Variants in SP3 observed in about 807,000 individuals in gnomAD.
The protein encoded by SP3 is Sp3 transcription factor, also known as transcription factor Sp3.
Under a neutral mutation model 70.3 loss-of-function variants are expected in SP3, and 10 were observed. The ratio of observed to expected loss-of-function variants is 0.14; its 90% CI spans 0.09 to 0.24. The LOEUF (loss-of-function observed/expected upper bound fraction) is 0.24, where lower values mean the gene tolerates loss of function less well. Among genes scored for constraint, SP3 ranks in the 10% least tolerant of loss-of-function variants. SP3 has a pLI of 1.00. For synonymous variants in SP3, 402 were observed against 333.5 expected (o/e 1.21, Z -2.24); for missense variants, 825 against 914.6 (o/e 0.90, Z 1.26).
At chr2:173,940,585 C>T (rs535840630) in intron 4 of SP3, among the ~76,000 whole-genome samples, 1 of 152,082 alleles carries the variant, frequency 6.6e-6, no homozygotes, top group Non-Finnish European at 1.5e-5. Flanking sequence ...AGAAACAGAA[C>T]AAAAAGGACT....
At chr2:173,940,316 T>C (rs1437424740) in intron 4 of SP3, among the ~76,000 whole-genome samples, 1 of 152,200 alleles carries the variant, frequency 6.6e-6, no homozygotes, top group Non-Finnish European at 1.5e-5. Context: ...CATTAGGTAT[T>C]AGATTTTTCA....
chr2:173,923,635 T>A (rs867744689), intron 4 of SP3, among the ~76,000 whole-genome samples: 4 of 152,238 alleles, frequency 2.6e-5, no homozygotes, highest in South Asian at 2.1e-4. Context: ...GTATGGTTGA[T>A]AAAATGAGAC....
intron 4 of SP3, among the ~76,000 whole-genome samples, chr2:173,929,031 G>C (rs774920303): frequency 6.6e-6 from 1 of 152,142 alleles, no homozygotes; most frequent in Non-Finnish European, 1.5e-5. Context: ...TCCAATTCAG[G>C]TTGGTAAGGG....
intron 4 of SP3, among the ~76,000 whole-genome samples, chr2:173,920,806 G>A (rs1449803117): frequency 6.6e-6 from 1 of 151,944 alleles, no homozygotes; most frequent in African/African-American, 2.4e-5. Flanking sequence ...GGCCAGGCTG[G>A]TCTCGAACTC....
At chr2:173,962,675 A>G (rs1691124663) in intron 3 of SP3, among the ~76,000 whole-genome samples, 1 of 152,154 alleles carries the variant, frequency 6.6e-6, no homozygotes, top group Non-Finnish European at 1.5e-5. Flanking sequence ...GGACATACTA[A>G]GCATTTGTTG....
At position 173,955,076 on chromosome 2, in the gene SP3, A is replaced by T. The variant is rs564462652; in HGVS notation, c.1436T>A (p.Ile479Lys). The change falls in exon 4 of 7, where the codon ATA (isoleucine) becomes AAA (lysine). Residue 479 changes from isoleucine to lysine, a missense_variant. Ile to Lys is a moderately radical substitution (Grantham distance 102). Coordinates refer to ENST00000310015, the MANE Select transcript of SP3 (RefSeq NM_003111.5). The stretch of plus-strand genomic sequence containing the variant: ...TATTTGTTGGGCAGCAGTATTCTGT[A>T]TTTGCAAATTCTGCAAGTTCTGGAC... ...QGVQNLQNLQ[I>K]QNTAAQQITL... 6.2e-7 allele frequency: 1 copy of T among 1,614,174 alleles called. No individual in the cohort carries two copies. The highest frequency in any genetic ancestry group is 2.2e-5 in the East Asian group (1 of 44,888).
intron 4 of SP3, among the ~76,000 whole-genome samples, chr2:173,933,408 C>G (rs12474886): frequency 0.33 from 49,970 of 151,448 alleles, 8,777 homozygotes; most frequent in Non-Finnish European, 0.38. Context: ...GTTGCAGTAA[C>G]AACCCCTCAA....
intron 4 of SP3, among the ~76,000 whole-genome samples, chr2:173,929,898 T>A (rs150203815): frequency 6.6e-6 from 1 of 152,184 alleles, no homozygotes; most frequent in African/African-American, 2.4e-5. Flanking sequence ...CTGAAAAAAT[T>A]AGAAGGCTTA....
At chr2:173,964,375 G>A (rs750975000) in intron 2 of SP3, 30 bp downstream of exon 2, 6 of 679,050 alleles carry the variant, frequency 8.8e-6, no homozygotes, top group South Asian at 3.1e-5. Context: ...CGCGAGGGGG[G>A]AGCCGGGCCG....
Position 173,906,502 on chromosome 2 carries a change from A to G in SP3, c.*3439T>C, listed in dbSNP as rs1435138500. 2 of 152,222 alleles carry G rather than the reference A, an allele frequency of 1.3e-5. No homozygotes were observed. The highest frequency in any genetic ancestry group is 2.4e-5 in the African/African-American group (1 of 41,458). 9.4% of individuals were successfully genotyped at this position (152,222 alleles called of 1,614,324 possible). A position where few individuals can be genotyped will look rare whatever the true frequency, so the allele number is the denominator to read the frequency against. On this transcript the variant is annotated 3_prime_UTR_variant, in exon 7 of 7. Transcript: ENST00000310015. ...TTTAGTGAAAAATAATTCTTTTACAACAAAAACGATTGTTACCAGCTTCAT... is the reference window on the plus strand; with the variant it reads ...TTTAGTGAAAAATAATTCTTTTACAGCAAAAACGATTGTTACCAGCTTCAT...
chr2:173,923,941 G>GT (rs1186679443), intron 4 of SP3, among the ~76,000 whole-genome samples: 3 of 151,512 alleles, frequency 2.0e-5, no homozygotes, highest in Non-Finnish European at 2.9e-5. Flanking sequence ...GAGGTACCAA[G>GT]TTTTTTTTCA....
At chr2:173,940,215 T>G (rs980323233) in intron 4 of SP3, among the ~76,000 whole-genome samples, 1 of 152,140 alleles carries the variant, frequency 6.6e-6, no homozygotes, top group Non-Finnish European at 1.5e-5. Context: ...GTCCCCAACC[T>G]TTTTGGCACC....
In SP3 at chr2:173,922,062, C is replaced by T. The variant is rs186003694; in HGVS notation, c.1640-3277G>A. On this transcript the variant is annotated intron_variant, in intron 4 of 6. Transcript: ENST00000310015. Reference sequence around the variant, plus strand: ...CTGCAGAACTGAGTCAATTAAACCTCTTACAAATTACCCAGTCCCAGATAT... The same window carrying T: ...CTGCAGAACTGAGTCAATTAAACCTTTTACAAATTACCCAGTCCCAGATAT... Among the ~76,000 whole-genome samples, 619 of 152,256 alleles carry T rather than the reference C, an allele frequency of 4.1e-3. 2 individuals are homozygous for T. Among genetic ancestry groups the T allele is most frequent in the Non-Finnish European group, 7.3e-3 (495 of 68,022 alleles).
rs1475495542 is a variant in SP3 at position 173,955,524 on chromosome 2, A to C, written c.988T>G (p.Phe330Val). Residue 330 changes from phenylalanine (F) to valine (V), a missense_variant, in exon 4 of 7, where the codon TTT becomes GTT. Phe to Val is a conservative substitution (Grantham distance 50). This residue lies in a region of SP3 where 678 missense variants were observed against 651.6 expected (regional missense o/e 1.04). Coordinates refer to ENST00000310015, the MANE Select transcript of SP3 (RefSeq NM_003111.5). Reference protein sequence around the residue: ...INETNTDTDLFVPTSSSSQLP... With the variant: ...INETNTDTDLVVPTSSSSQLP... ...TGTGATGAAGAGGATGTTGGCACAA[A>C]TAAATCTGTATCAGTATTAGTTTCA... 1 of 1,614,048 alleles carries C rather than the reference A, an allele frequency of 6.2e-7. No individual in the cohort carries two copies. Among genetic ancestry groups the C allele is most frequent in the Non-Finnish European group, 8.5e-7 (1 of 1,180,042 alleles).
Position 173,965,323 on chromosome 2 carries a change from G to A in SP3, c.-152C>T. ...TTTTTCCTATTTTGATTGACTGTGC[G>A]GGAAACACAAAAGGTGGAGCCTCCA... On this transcript the variant is annotated 5_prime_UTR_variant, in exon 1 of 7. Coordinates refer to ENST00000310015, the MANE Select transcript of SP3 (RefSeq NM_003111.5). The A allele has an allele frequency of 2.2e-6, 2 of 889,150 alleles. No individual in the cohort carries two copies. The highest frequency in any genetic ancestry group is 3.5e-6 in the Non-Finnish European group (2 of 574,938). 55.1% of individuals were successfully genotyped at this position (889,150 alleles called of 1,614,324 possible).
chr2:173,963,920 G>C (rs765766686), intron 2 of SP3, 37 bp from the exon 3 acceptor site: 7 of 1,398,146 alleles, frequency 5.0e-6, no homozygotes, highest in East Asian at 3.0e-5. Context: ...GGGAGACAGG[G>C]GGAGGGGGTG....
At chr2:173,947,625 A>G (rs1690584578) in intron 4 of SP3, among the ~76,000 whole-genome samples, 1 of 152,168 alleles carries the variant, frequency 6.6e-6, no homozygotes. Context: ...TCTCACTGAC[A>G]ATTGCAAGCA....
Position 173,905,503 on chromosome 2 carries a change from TGAAGGAGATAGGCCTTCTCAG to T in SP3, c.*4417_*4437del, listed in dbSNP as rs1408077544. Among the ~76,000 whole-genome samples, 2 of 152,172 alleles carry T rather than the reference TGAAGGAGATAGGCCTTCTCAG, an allele frequency of 1.3e-5. No individual in the cohort carries two copies. Among genetic ancestry groups the T allele is most frequent in the African/African-American group, 4.8e-5 (2 of 41,426 alleles). ...AAAGGTGAAAAATGGGGAAAAGGAC[TGAAGGAGATAGGCCTTCTCAG>T]GATATCATTCTTAACATCAAAAACT... On this transcript the variant is annotated 3_prime_UTR_variant, in exon 7 of 7. Transcript: ENST00000310015.
chr2:173,957,069 A>T (rs1690918964), intron 3 of SP3, among the ~76,000 whole-genome samples: 3 of 152,202 alleles, frequency 2.0e-5, no homozygotes, highest in Non-Finnish European at 4.4e-5. Context: ...AACATAAACC[A>T]TTCTATAAAA....
Sources: allele counts gnomAD v4.1 joint callset (sites outside exome capture counted in the v4.1 genomes callset), GRCh38; gene constraint gnomAD v4.1.1; regional missense constraint gnomAD v4.1.1; transcripts MANE v1.5; gene names NCBI Gene and HGNC (gene_info 2026-07-23, HGNC 2026-07-21).